Variants in FTO observed in about 807,000 individuals in gnomAD.
FTO encodes the protein FTO alpha-ketoglutarate dependent dioxygenase, also known as alpha-ketoglutarate-dependent dioxygenase FTO.
A neutral mutation model predicts 63.9 loss-of-function variants in FTO; 47 were observed. The observed-to-expected ratio is 0.74, with a 90% CI of 0.58 to 0.94. FTO has a LOEUF of 0.94. Ranked by LOEUF, FTO falls within the 40% of genes least tolerant of loss-of-function variation. The pLI is 0.00. For missense variants in FTO, 562 were observed against 618.1 expected, an observed-to-expected ratio of 0.91 and a Z score of 0.96; for synonymous variants, 207 against 224.4, an observed-to-expected ratio of 0.92 and a Z score of 0.69.
intron 8 of FTO, among the ~76,000 whole-genome samples, chr16:54,031,096 T>A (rs1342392408): frequency 6.6e-6 from 1 of 152,152 alleles, no homozygotes; most frequent in Non-Finnish European, 1.5e-5. Context: ...AACCAGTAGA[T>A]CTCTGAGAAA....
In FTO at chr16:54,118,528, T is replaced by C. The variant is rs1410153980; in HGVS notation, c.*6613T>C. ...GCACTTGCCACCACATCCGGCTAAT[T>C]TTTTTGTAGAGACAGGATTTCACCA... On this transcript the variant is annotated 3_prime_UTR_variant, in exon 9 of 9. Coordinates refer to ENST00000471389, the MANE Select transcript of FTO (RefSeq NM_001080432.3). 6 of 152,056 alleles carry C rather than the reference T, an allele frequency of 3.9e-5. No individual in the cohort carries two copies. The highest frequency in any genetic ancestry group is 1.4e-4 in the African/African-American group (6 of 41,380). The allele number at this position is 152,056 out of a possible 1,614,324, so 9.4% of individuals were successfully genotyped here.
intron 1 of FTO, among the ~76,000 whole-genome samples, chr16:53,739,766 T>C (rs1316734240): frequency 6.6e-6 from 1 of 152,080 alleles, no homozygotes; most frequent in Non-Finnish European, 1.5e-5. Flanking sequence ...ATCATTGAGG[T>C]ATAATTCTCC....
At chr16:53,930,221 C>CATT (rs2082246477) in intron 7 of FTO, among the ~76,000 whole-genome samples, 1 of 75,692 alleles carries the variant, frequency 1.3e-5, no homozygotes, top group African/African-American at 5.9e-5. Flanking sequence ...TGATTATCTT[C>CATT]TTTTTTTTTT....
chr16:53,746,565 CA>C (rs2076655980), intron 1 of FTO, among the ~76,000 whole-genome samples: 1 of 151,898 alleles, frequency 6.6e-6, no homozygotes, highest in Non-Finnish European at 1.5e-5. Context: ...TTTTTTAAAT[CA>C]TTTTTTATTG....
chr16:54,009,042 T>C (rs1428533947), intron 8 of FTO, among the ~76,000 whole-genome samples: 2 of 151,410 alleles, frequency 1.3e-5, no homozygotes, highest in East Asian at 3.9e-4. Flanking sequence ...GCAACTTGAG[T>C]GTGGCAGTGG....
Position 53,864,804 on chromosome 16 carries a change from G to C in FTO, c.896-8982G>C, listed in dbSNP as rs1739850789. Among the ~76,000 whole-genome samples the C allele has an allele frequency of 1.3e-5, 2 of 152,308 alleles. 1 individual carries two copies. Among genetic ancestry groups the C allele is most frequent in the Middle Eastern group, 6.8e-3 (2 of 294 alleles). On this transcript the variant is annotated intron_variant, in intron 4 of 8. Coordinates refer to ENST00000471389, the MANE Select transcript of FTO (RefSeq NM_001080432.3). ...TTGAGATGCACAATCCATGAAGCTT[G>C]TGTCGCTTTTATAGATGGAGTTTTC...
intron 6 of FTO, among the ~76,000 whole-genome samples, chr16:53,885,075 A>G (rs1335773307): frequency 6.6e-6 from 1 of 152,214 alleles, no homozygotes. Context: ...CAGTCAGTCA[A>G]TATGGTTAGA....
chr16:53,807,437 C>G (rs1470809021), intron 1 of FTO, among the ~76,000 whole-genome samples: 1 of 152,172 alleles, frequency 6.6e-6, no homozygotes, highest in Non-Finnish European at 1.5e-5. Context: ...GTGGTTGTTA[C>G]AAGAATTTAG....
At chr16:54,066,967 G>C (rs2085746820) in intron 8 of FTO, among the ~76,000 whole-genome samples, 1 of 152,202 alleles carries the variant, frequency 6.6e-6, no homozygotes, top group African/African-American at 2.4e-5. Flanking sequence ...CTGTAGAGAG[G>C]TCACACTCAT....
At chr16:53,833,043 A>T (rs1159004285) in intron 3 of FTO, among the ~76,000 whole-genome samples, 1 of 152,146 alleles carries the variant, frequency 6.6e-6, no homozygotes, top group Non-Finnish European at 1.5e-5. Flanking sequence ...TGTGGGAGGG[A>T]CCAAAGAGGA....
intron 8 of FTO, among the ~76,000 whole-genome samples, chr16:53,997,702 A>T (rs1341966167): frequency 5.3e-5 from 4 of 75,188 alleles, no homozygotes; most frequent in African/African-American, 4.1e-4. Context: ...TTTGATTTGG[A>T]TCTTTTTTTT....
At chr16:53,969,272 A>G (rs866675679) in intron 8 of FTO, among the ~76,000 whole-genome samples, 4 of 151,834 alleles carry the variant, frequency 2.6e-5, no homozygotes, top group Admixed American at 6.6e-5. Context: ...TAATTAAAGG[A>G]CAGCATTTGT....
chr16:53,830,262 A>G (rs1598768395), intron 3 of FTO, among the ~76,000 whole-genome samples: 1 of 152,234 alleles, frequency 6.6e-6, no homozygotes, highest in Non-Finnish European at 1.5e-5. Context: ...TTAATCAGGA[A>G]TGGCTTCGGG....
intron 1 of FTO, among the ~76,000 whole-genome samples, chr16:53,767,932 A>G (rs1170741266): frequency 6.6e-6 from 1 of 152,194 alleles, no homozygotes; most frequent in African/African-American, 2.4e-5. Context: ...TGGATTGTTC[A>G]TGGGGTTGAT....
chr16:53,958,070 C>A (rs1254452472), intron 8 of FTO, among the ~76,000 whole-genome samples: 1 of 152,164 alleles, frequency 6.6e-6, no homozygotes, highest in Non-Finnish European at 1.5e-5. Context: ...GTCACATTTA[C>A]TATTTGTTAT....
chr16:54,002,062 A>G (rs2084081065), intron 8 of FTO, among the ~76,000 whole-genome samples: 1 of 152,210 alleles, frequency 6.6e-6, no homozygotes, highest in South Asian at 2.1e-4. Flanking sequence ...TGGTTGGGAG[A>G]AGATTTGGGA....
At chr16:54,059,671 G>A (rs1405363461) in intron 8 of FTO, among the ~76,000 whole-genome samples, 1 of 152,146 alleles carries the variant, frequency 6.6e-6, no homozygotes, top group East Asian at 1.9e-4. Flanking sequence ...TGGCCGTTTC[G>A]AAGATAATTA....
intron 8 of FTO, among the ~76,000 whole-genome samples, chr16:54,066,531 T>G (rs1305431220): frequency 6.6e-6 from 1 of 152,228 alleles, no homozygotes; most frequent in East Asian, 1.9e-4. Flanking sequence ...AAGGAAAGTC[T>G]TCTTTGGCTA....
chr16:53,825,736 C>A, intron 2 of FTO, 128 bp from the exon 3 acceptor site: 1 of 990,956 alleles, frequency 1.0e-6, no homozygotes, highest in South Asian at 1.3e-5. Flanking sequence ...AGATGTGACT[C>A]CTATTTAGAA....
Sources: allele counts gnomAD v4.1 joint callset (sites outside exome capture counted in the v4.1 genomes callset), GRCh38; gene constraint gnomAD v4.1.1; transcripts MANE v1.5; gene names NCBI Gene and HGNC (gene_info 2026-07-23, HGNC 2026-07-21).